DNAH17: variants seen among roughly 807,000 people sequenced by gnomAD.
DNAH17 encodes the protein dynein axonemal heavy chain 17.
In DNAH17, 376 loss-of-function variants were observed where a neutral mutation model predicts 485.6. The ratio of observed to expected loss-of-function variants is 0.77; its 90% CI spans 0.71 to 0.84. The LOEUF (loss-of-function observed/expected upper bound fraction) is 0.84. Among genes scored for constraint, DNAH17 ranks in the 40% least tolerant of loss-of-function variants. The pLI is 0.00. For synonymous variants in DNAH17, 3,031 were observed against 2,405.9 expected, an observed-to-expected ratio of 1.26 and a Z score of -7.60; for missense variants, 6,370 against 5,839.3, an observed-to-expected ratio of 1.09 and a Z score of -2.96.
chr17:78,558,447 C>CATCACCCTCATGGGTGGA (rs1193066928), intron 13 of DNAH17, among the ~76,000 whole-genome samples, 193 bp from the exon 14 acceptor site: 1 of 89,464 alleles, frequency 1.1e-5, no homozygotes, highest in Non-Finnish European at 2.4e-5. Context: ...CCGGAAAGCA[C>CATCACCCTCATGGGTGGA]TGACATCACC....
chr17:78,558,070 A>G (rs2092066181), intron 14 of DNAH17, 38 bp downstream of exon 14: 6 of 1,575,754 alleles, frequency 3.8e-6, no homozygotes, highest in Non-Finnish European at 5.2e-6. Context: ...AAAACAATAC[A>G]AAGCTGCATC....
intron 43 of DNAH17, 58 bp from the exon 44 acceptor site, chr17:78,490,905 G>A: frequency 6.6e-7 from 1 of 1,505,372 alleles, no homozygotes; most frequent in Admixed American, 2.1e-5. Flanking sequence ...TCCCAATGGT[G>A]TTCTGGGGTG....
Position 78,484,858 on chromosome 17 carries a change from C to G in DNAH17, c.7649+10G>C. ...GCCACGCCTTCCCCTCCGGCCCCGC[C>G]CCGTCTAACCAGTGCCGGTGGTCCA... is the stretch of plus-strand genomic sequence containing the variant. On this transcript the variant is annotated intron_variant, in intron 48 of 80. Coordinates refer to ENST00000389840, the MANE Select transcript of DNAH17 (RefSeq NM_173628.4). The G allele has an allele frequency of 6.5e-7, 1 of 1,537,550 alleles. No homozygotes were observed.
At position 78,510,480 on chromosome 17, in the gene DNAH17, C is replaced by G. The variant is rs540430176; in HGVS notation, c.4140G>C (p.Thr1380=). The G allele has an allele frequency of 2.5e-6, 4 of 1,613,838 alleles. No individual in the cohort carries two copies. The highest frequency in any genetic ancestry group is 3.4e-6 in the Non-Finnish European group (4 of 1,179,832). ...TQVKFKMSEE[T]TLADLLQLNL... Reference sequence around the variant, plus strand: ...TCAGCTGCAGTAAATCTGCCAGGGTCGTCTCTTCTGACATTTTAAATTTCA... The same window carrying G: ...TCAGCTGCAGTAAATCTGCCAGGGTGGTCTCTTCTGACATTTTAAATTTCA... Residue 1380 remains threonine, a synonymous_variant, in exon 27 of 81, where the codon ACG becomes ACC. Coordinates refer to ENST00000389840, the MANE Select transcript of DNAH17 (RefSeq NM_173628.4).
At chr17:78,544,107 G>A (rs1260247762) in intron 16 of DNAH17, 110 bp from the exon 17 acceptor site, 40 of 1,479,608 alleles carry the variant, frequency 2.7e-5, no homozygotes, top group East Asian at 9.2e-5. Flanking sequence ...GCCTGATCTT[G>A]GATTGGAGTC....
chr17:78,544,754 T>G (rs1198039422), intron 16 of DNAH17, among the ~76,000 whole-genome samples: 1 of 119,978 alleles, frequency 8.3e-6, no homozygotes, highest in Non-Finnish European at 1.6e-5. Flanking sequence ...TGAGCCGAGA[T>G]CACGCCACTC....
At chr17:78,454,432 G>A (rs924796667) in intron 64 of DNAH17, 38 bp downstream of exon 64, 4 of 1,551,066 alleles carry the variant, frequency 2.6e-6, no homozygotes, top group Non-Finnish European at 3.5e-6. Flanking sequence ...CTTCCAAGCA[G>A]AGCCGGGCTT....
In DNAH17 at chr17:78,480,702, G is replaced by A. The variant is rs759143155; in HGVS notation, c.7734C>T (p.Thr2578=). The stretch of plus-strand genomic sequence containing the variant: ...TGCTTACCTGAAGCCTGGAGTCGAT[G>A]GTGAAGGATCCGGAAGTGGGGTTCA... ...ACMNPTSGSF[T]IDSRLQRHFC... is the part of the protein sequence containing the mutation. Residue 2578 remains threonine (T), a synonymous_variant, in exon 49 of 81, where the codon ACC becomes ACT. Coordinates refer to ENST00000389840, the MANE Select transcript of DNAH17 (RefSeq NM_173628.4). 1 of 1,613,736 alleles carries A rather than the reference G, an allele frequency of 6.2e-7. No individual in the cohort carries two copies. Among genetic ancestry groups the A allele is most frequent in the Non-Finnish European group, 8.5e-7 (1 of 1,179,786 alleles).
At chr17:78,498,909 C>G in intron 37 of DNAH17, 99 bp downstream of exon 37, 1 of 917,050 alleles carries the variant, frequency 1.1e-6, no homozygotes, top group Non-Finnish European at 1.6e-6. Context: ...TGGAACGTTG[C>G]AGAGAGGCAA....
intron 41 of DNAH17, among the ~76,000 whole-genome samples, chr17:78,493,670 A>C (rs1346618979): frequency 6.6e-6 from 1 of 152,254 alleles, no homozygotes; most frequent in African/African-American, 2.4e-5. Context: ...CATCAGTCAC[A>C]TCCGCCACCA....
Position 78,484,948 on chromosome 17 carries a change from G to A in DNAH17, c.7569C>T (p.Asp2523=), listed in dbSNP as rs1394655865. The change falls in exon 48 of 81, where the codon GAC becomes GAT. Residue 2523 remains aspartate, a synonymous_variant. Transcript: ENST00000389840. Reference sequence around the variant, plus strand: ...ACTTGTCCACCTCGGGCATGTTCATGTCGTCGATGAAGTAGACGAGCTTCT... The same window carrying A: ...ACTTGTCCACCTCGGGCATGTTCATATCGTCGATGAAGTAGACGAGCTTCT... The part of the protein sequence containing the change: ...GTKKLVYFID[D]MNMPEVDKYG... 3 of 1,612,232 alleles carry A rather than the reference G, an allele frequency of 1.9e-6. No homozygotes were observed. Among genetic ancestry groups the A allele is most frequent in the East Asian group, 2.2e-5 (1 of 44,832 alleles).
intron 49 of DNAH17, among the ~76,000 whole-genome samples, 151 bp from the exon 50 acceptor site, chr17:78,479,783 C>A (rs2146617502): frequency 6.6e-6 from 1 of 152,312 alleles, no homozygotes; most frequent in Middle Eastern, 3.4e-3. Context: ...TTGTGCCTTG[C>A]ATGTGGTAAA....
chr17:78,463,154 A>G, intron 56 of DNAH17, 77 bp from the exon 57 acceptor site: 1 of 1,391,990 alleles, frequency 7.2e-7, no homozygotes, highest in South Asian at 1.2e-5. Context: ...CAGACTCACC[A>G]GGGGCCCTGG....
At chr17:78,559,415 C>T (rs1284125657) in intron 13 of DNAH17, among the ~76,000 whole-genome samples, 1 of 152,224 alleles carries the variant, frequency 6.6e-6, no homozygotes, top group Non-Finnish European at 1.5e-5. Context: ...GACCCTAAAA[C>T]ATTGGGACTG....
intron 7 of DNAH17, 48 bp downstream of exon 7, chr17:78,570,199 C>A: frequency 1.3e-6 from 2 of 1,532,056 alleles, no homozygotes; most frequent in South Asian, 1.2e-5. Context: ...GGGGAGGGGA[C>A]CCAGCCAGGA....
Position 78,494,735 on chromosome 17 carries a change from T to G in DNAH17, c.6128A>C (p.Glu2043Ala), listed in dbSNP as rs1568150698. 6.2e-7 allele frequency: 1 copy of G among 1,613,762 alleles called. No homozygotes were observed. The highest frequency in any genetic ancestry group is 8.5e-7 in the Non-Finnish European group (1 of 1,179,874). Residue 2043 changes from glutamate (E) to alanine (A), a missense_variant, in exon 40 of 81, where the codon GAG becomes GCG. Glu to Ala is a moderately radical substitution (Grantham distance 107). Coordinates refer to ENST00000389840, the MANE Select transcript of DNAH17 (RefSeq NM_173628.4). ...SLKRGDPSRA[E>A]DQVLMRALRD... Reference sequence around the variant, plus strand: ...CAGCGCCCGCATGAGCACCTGGTCCTCTGCCCGGCTGGGGTCGCCCCTCTT... The same window carrying G: ...CAGCGCCCGCATGAGCACCTGGTCCGCTGCCCGGCTGGGGTCGCCCCTCTT...
Position 78,450,719 on chromosome 17 carries a change from T to C in DNAH17, c.10862A>G (p.Glu3621Gly). The change falls in exon 67 of 81, where the codon GAG becomes GGG. Residue 3621 changes from glutamate to glycine, a missense_variant. Transcript: ENST00000389840. ...CTCGCTGGCTGTGTGCTTGGTGGTC[T>C]CCAGATTCTCCACCAAGGCCGTGTC... The part of the protein sequence containing the change: ...LGDTALVENL[E>G]TTKHTASEIE... The C allele has an allele frequency of 2.5e-6, 4 of 1,613,830 alleles. No individual in the cohort carries two copies. The highest frequency in any genetic ancestry group is 3.4e-6 in the Non-Finnish European group (4 of 1,179,844).
At chr17:78,450,415 T>A in intron 67 of DNAH17, 21 bp from the exon 68 acceptor site, 1 of 1,612,828 alleles carries the variant, frequency 6.2e-7, no homozygotes, top group Non-Finnish European at 8.5e-7. Flanking sequence ...ACAAAAGGGG[T>A]GTGAATGACA....
Position 78,423,895 on chromosome 17 carries a change from G to A in DNAH17, c.*11C>T. On this transcript the variant is annotated 3_prime_UTR_variant, in exon 81 of 81. Coordinates refer to ENST00000389840, the MANE Select transcript of DNAH17 (RefSeq NM_173628.4). ...AGCCCCAGGGAGTGTGGGCTGTGAG[G>A]CAGGAGCGAGCTAAACCTGTAGGAG... The A allele has an allele frequency of 6.2e-7, 1 of 1,613,632 alleles. No individual in the cohort carries two copies. The highest frequency in any genetic ancestry group is 8.5e-7 in the Non-Finnish European group (1 of 1,179,672).
Sources: allele counts gnomAD v4.1 joint callset (sites outside exome capture counted in the v4.1 genomes callset), GRCh38; gene constraint gnomAD v4.1.1; transcripts MANE v1.5; gene names NCBI Gene and HGNC (gene_info 2026-07-23, HGNC 2026-07-21).